UBE2V1: variants seen among roughly 807,000 people sequenced by gnomAD.
UBE2V1 encodes the protein ubiquitin conjugating enzyme E2 V1.
Under a neutral mutation model 19.6 loss-of-function variants are expected in UBE2V1, and 15 were observed. That is an observed-to-expected ratio of 0.77 (90% CI 0.51 to 1.18). The LOEUF (loss-of-function observed/expected upper bound fraction) is 1.18. Among genes scored for constraint, UBE2V1 ranks in the 50% most tolerant of loss-of-function variants. The pLI is 0.00. For missense variants in UBE2V1, 125 were observed against 184.8 expected, an observed-to-expected ratio of 0.68 and a Z score of 1.88; for synonymous variants, 60 against 60.7, an observed-to-expected ratio of 0.99 and a Z score of 0.05.
chr20:50,105,021 C>G (rs2080267441), intron 1 of UBE2V1, among the ~76,000 whole-genome samples: 1 of 152,138 alleles, frequency 6.6e-6, no homozygotes, highest in African/African-American at 2.4e-5. Context: ...GCCACCACAC[C>G]CAGCCTAGTT....
intron 3 of UBE2V1, 137 bp from the exon 4 acceptor site, chr20:50,083,051 AT>A (rs1231664202): frequency 7.3e-7 from 1 of 1,375,360 alleles, no homozygotes; most frequent in Non-Finnish European, 9.7e-7. Context: ...AATACCTTAC[AT>A]GCGGAATACC....
chr20:50,106,481 C>T (rs2080363865), intron 1 of UBE2V1, among the ~76,000 whole-genome samples: 1 of 152,158 alleles, frequency 6.6e-6, no homozygotes, highest in Non-Finnish European at 1.5e-5. Flanking sequence ...GGCCACCAAG[C>T]AGCAGCTACC....
chr20:50,084,543 A>G (rs1229549264), intron 2 of UBE2V1: 13 of 522,564 alleles, frequency 2.5e-5, no homozygotes, highest in Non-Finnish European at 4.8e-5. Flanking sequence ...TAATTTCTCT[A>G]CTTTGCAGTC....
chr20:50,098,311 TGA>T (rs2079766356), intron 1 of UBE2V1, among the ~76,000 whole-genome samples: 1 of 152,050 alleles, frequency 6.6e-6, no homozygotes, highest in Non-Finnish European at 1.5e-5. Context: ...GTGAGGAAGA[TGA>T]GAGAGCAAGA....
upstream of UBE2V1, chr20:50,113,298 A>G: frequency 2.2e-6 from 1 of 461,542 alleles, no homozygotes; most frequent in Non-Finnish European, 3.5e-6. Flanking sequence ...TTTTAGAGAA[A>G]GGAAATATCT....
At chr20:50,115,723 T>A, upstream of UBE2V1, 1 of 951,552 alleles carries the variant, frequency 1.1e-6, no homozygotes, top group South Asian at 4.3e-5. Context: ...CAACTTTTAA[T>A]CCTCACAACT....
upstream of UBE2V1, among the ~76,000 whole-genome samples, chr20:50,114,247 G>A (rs532724788): frequency 6.6e-6 from 1 of 152,270 alleles, no homozygotes; most frequent in African/African-American, 2.4e-5. Flanking sequence ...GAAGGACCAG[G>A]ACTCTAAACA....
At chr20:50,103,713 A>C (rs1407554199) in intron 1 of UBE2V1, among the ~76,000 whole-genome samples, 3 of 151,892 alleles carry the variant, frequency 2.0e-5, no homozygotes, top group Non-Finnish European at 4.4e-5. Flanking sequence ...GCCTGACTAT[A>C]ATAATTTTAA....
rs142009089 is a variant in UBE2V1 at position 50,086,346 on chromosome 20, G to A, written c.172-2092C>T. 1.2e-3 allele frequency among the ~76,000 whole-genome samples: 187 copies of A among 152,240 alleles called. 1 individual carries two copies. The Middle Eastern group carries it at 0.017, about 14-fold the overall frequency. ...TAAACACAGAAAAAGGAGGGTGGGG[G>A]CCTTGACAGGGGCCCTCAACTGAAT... On this transcript the variant is annotated intron_variant, in intron 2 of 3. Coordinates refer to ENST00000371674, the MANE Select transcript of UBE2V1 (RefSeq NM_001032288.3).
At chr20:50,115,357 T>C (rs2080979865), upstream of UBE2V1, 12 of 1,370,322 alleles carry the variant, frequency 8.8e-6, no homozygotes, top group Non-Finnish European at 9.5e-6. Flanking sequence ...GTGAAGCAAC[T>C]TGACTTTTCG....
chr20:50,110,558 A>G (rs1281991587), intron 1 of UBE2V1, among the ~76,000 whole-genome samples: 6 of 152,148 alleles, frequency 3.9e-5, no homozygotes, highest in African/African-American at 1.2e-4. Context: ...CTGTACACTC[A>G]TTTTAGTTTA....
At chr20:50,113,033 A>C (rs1270566128) in intron 1 of UBE2V1, 74 bp downstream of exon 1, 7 of 616,632 alleles carry the variant, frequency 1.1e-5, no homozygotes, top group African/African-American at 1.9e-5. Context: ...CCGCTGCAGG[A>C]GGCTTTGAGG....
At chr20:50,105,508 A>G (rs2080296680) in intron 1 of UBE2V1, among the ~76,000 whole-genome samples, 1 of 152,254 alleles carries the variant, frequency 6.6e-6, no homozygotes, top group African/African-American at 2.4e-5. Context: ...AAACCCAAGA[A>G]TACTCTAACA....
chr20:50,083,472 A>C, intron 3 of UBE2V1, among the ~76,000 whole-genome samples: 1 of 152,238 alleles, frequency 6.6e-6, no homozygotes. Flanking sequence ...ACACACTGTA[A>C]CAAAGCTCAT....
In UBE2V1 at chr20:50,096,706, G is replaced by C; in HGVS notation, c.137C>G (p.Thr46Arg). Reference sequence around the variant, plus strand: ...CCCAATTATCATCCCTGTCCATCTTGTAAGTGTCATGTCTTCGTCATCTTC... The same window carrying C: ...CCCAATTATCATCCCTGTCCATCTTCTAAGTGTCATGTCTTCGTCATCTTC... ...GLEDDEDMTL[T>R]RWTGMIIGPP... Residue 46 changes from threonine to arginine, a missense_variant, in exon 2 of 4, where the codon ACA becomes AGA. Physicochemically the swap from Thr to Arg is moderately conservative, Grantham distance 71. Transcript: ENST00000371674. 1 of 1,614,088 alleles carries C rather than the reference G, an allele frequency of 6.2e-7. No homozygotes were observed. The highest frequency in any genetic ancestry group is 1.7e-5 in the Admixed American group (1 of 59,994).
chr20:50,090,473 C>CAAAAAAAAAAAAAA (rs34134046), intron 2 of UBE2V1, among the ~76,000 whole-genome samples: 1 of 96,746 alleles, frequency 1.0e-5, no homozygotes, highest in Non-Finnish European at 2.3e-5. Context: ...GACTCTGTCT[C>CAAAAAAAAAAAAAA]AAAAAAAAAA....
At chr20:50,109,052 T>C in intron 1 of UBE2V1, 2 of 985,440 alleles carry the variant, frequency 2.0e-6, no homozygotes, top group Non-Finnish European at 2.4e-6. Flanking sequence ...CCAGTCTCCC[T>C]TGGCTTTTGG....
upstream of UBE2V1, among the ~76,000 whole-genome samples, chr20:50,113,667 G>A (rs534146254): frequency 1.1e-4 from 16 of 152,158 alleles, no homozygotes; most frequent in Non-Finnish European, 1.5e-4. Context: ...CTGGCTCCTA[G>A]GATTGATGCT....
intron 2 of UBE2V1, among the ~76,000 whole-genome samples, chr20:50,089,895 G>C (rs1009043950): frequency 6.6e-6 from 1 of 152,004 alleles, no homozygotes; most frequent in Non-Finnish European, 1.5e-5. Flanking sequence ...TGTTCCTTTA[G>C]GTATCACCCC....
Sources: allele counts gnomAD v4.1 joint callset (sites outside exome capture counted in the v4.1 genomes callset), GRCh38; gene constraint gnomAD v4.1.1; transcripts MANE v1.5; gene names NCBI Gene and HGNC (gene_info 2026-07-23, HGNC 2026-07-21).